Variants in ZPBP observed in about 807,000 individuals in gnomAD.
The protein encoded by ZPBP is zona pellucida-binding protein 1.
A neutral mutation model predicts 44.8 loss-of-function variants in ZPBP; 26 were observed. The observed-to-expected ratio is 0.58, with a 90% CI of 0.43 to 0.81. The LOEUF (loss-of-function observed/expected upper bound fraction) is 0.81. Among genes scored for constraint, ZPBP ranks in the 30% least tolerant of loss-of-function variants. The pLI is 0.00. For synonymous variants in ZPBP, 174 were observed against 153.2 expected, an observed-to-expected ratio of 1.14 and a Z score of -1.00; for missense variants, 409 against 434.0, an observed-to-expected ratio of 0.94 and a Z score of 0.51.
In ZPBP at chr7:49,982,362, A is replaced by T. The variant is rs1797063521; in HGVS notation, c.961+980T>A. ...AATACATAATATATAATTATATATA[A>T]TATATAATACATAATATATATAATC... On this transcript the variant is annotated intron_variant, in intron 7 of 7. Coordinates refer to ENST00000046087, the MANE Select transcript of ZPBP (RefSeq NM_007009.3). Among the ~76,000 whole-genome samples, 4 of 130,960 alleles carry T rather than the reference A, an allele frequency of 3.1e-5. No homozygotes were observed. The South Asian group carries it at 8.7e-4, about 28-fold the overall frequency. 85.9% of individuals were successfully genotyped at this position (130,960 alleles called of 152,430 possible). A position where few individuals can be genotyped will look rare whatever the true frequency, so the allele number is the denominator to read the frequency against.
At chr7:49,921,303 C>A (rs1794005507) in intron 1 of ZPBP, 1 of 152,210 alleles carries the variant, frequency 6.6e-6, no homozygotes, top group African/African-American at 2.4e-5. Flanking sequence ...GAGTTGTTCC[C>A]ATCCCTGGCC....
chr7:49,877,107 G>A (rs1791442787), intron 2 of ZPBP, among the ~76,000 whole-genome samples: 1 of 152,064 alleles, frequency 6.6e-6, no homozygotes, highest in Non-Finnish European at 1.5e-5. Context: ...TGAGAATCAA[G>A]TGAGAAAATA....
intron 1 of ZPBP, among the ~76,000 whole-genome samples, chr7:49,905,696 A>G (rs1316364611): frequency 6.6e-6 from 1 of 152,210 alleles, no homozygotes; most frequent in Non-Finnish European, 1.5e-5. Flanking sequence ...GCTGGGTAAA[A>G]TGAGGCTGAG....
intron 1 of ZPBP, chr7:49,919,287 T>C (rs767935764): frequency 2.6e-5 from 4 of 152,148 alleles, no homozygotes; most frequent in Non-Finnish European, 5.9e-5. Context: ...CCCATGAAGC[T>C]CTGAGTCAAG....
At chr7:50,063,177 G>A (rs1245509764) in intron 3 of ZPBP, among the ~76,000 whole-genome samples, 1 of 152,210 alleles carries the variant, frequency 6.6e-6, no homozygotes, top group Admixed American at 6.5e-5. Context: ...GCCTGGGAAG[G>A]GAGGAGAGAT....
chr7:49,873,775 A>G (rs1294299855), intron 2 of ZPBP, among the ~76,000 whole-genome samples: 1 of 152,234 alleles, frequency 6.6e-6, no homozygotes, highest in African/African-American at 2.4e-5. Flanking sequence ...AAAAATACAA[A>G]ATAGAAACAG....
At chr7:49,862,316 A>G (rs748010033) in intron 2 of ZPBP, among the ~76,000 whole-genome samples, 59 of 152,126 alleles carry the variant, frequency 3.9e-4, no homozygotes, top group Admixed American at 1.1e-3. Flanking sequence ...TTGTGTGTCA[A>G]TCTTGTAACC....
intron 4 of ZPBP, among the ~76,000 whole-genome samples, chr7:50,047,612 T>C (rs940427216): frequency 1.4e-5 from 2 of 147,086 alleles, no homozygotes; most frequent in Middle Eastern, 3.5e-3. Context: ...AGAATAAAAC[T>C]AGGGACTGAG....
At chr7:50,003,434 A>C (rs2128796020) in intron 6 of ZPBP, among the ~76,000 whole-genome samples, 1 of 152,328 alleles carries the variant, frequency 6.6e-6, no homozygotes, top group Admixed American at 6.5e-5. Flanking sequence ...CCTCACCTCC[A>C]GTGGCACAGC....
chr7:50,086,482 T>C (rs1802657305), intron 2 of ZPBP, among the ~76,000 whole-genome samples: 1 of 152,028 alleles, frequency 6.6e-6, no homozygotes. Context: ...TAATAAAGAA[T>C]GTGTGATATT....
chr7:49,845,957 G>A (rs1377802055), downstream of ZPBP, among the ~76,000 whole-genome samples: 1 of 152,098 alleles, frequency 6.6e-6, no homozygotes, highest in Non-Finnish European at 1.5e-5. Context: ...CTGCCCCTGT[G>A]GATATTTTGT....
At chr7:49,943,023 G>T in intron 7 of ZPBP, 1 of 274,852 alleles carries the variant, frequency 3.6e-6, no homozygotes. Flanking sequence ...GGTGAAAGCT[G>T]GGGGGCCACA....
At chr7:50,025,136 A>G (rs191758631) in intron 5 of ZPBP, among the ~76,000 whole-genome samples, 9 of 152,000 alleles carry the variant, frequency 5.9e-5, no homozygotes, top group Admixed American at 2.6e-4. Flanking sequence ...TAAAAAAATC[A>G]AAGATCTAAG....
chr7:49,961,958 T>C (rs1795877830), intron 7 of ZPBP, among the ~76,000 whole-genome samples: 1 of 152,076 alleles, frequency 6.6e-6, no homozygotes, highest in Non-Finnish European at 1.5e-5. Flanking sequence ...TGAAACATAA[T>C]ATTTATAAAG....
chr7:49,869,448 G>A (rs1035874764), intron 2 of ZPBP, among the ~76,000 whole-genome samples: 2 of 152,180 alleles, frequency 1.3e-5, no homozygotes, highest in Non-Finnish European at 1.5e-5. Flanking sequence ...CACTAGGGTA[G>A]CAAATCGGAT....
intron 7 of ZPBP, among the ~76,000 whole-genome samples, chr7:49,955,774 T>C (rs779129333): frequency 2.6e-5 from 4 of 152,120 alleles, no homozygotes; most frequent in Non-Finnish European, 5.9e-5. Context: ...TGTAGATGAA[T>C]AATATCAGGA....
chr7:49,848,918 T>A (rs1464457027), downstream of ZPBP, among the ~76,000 whole-genome samples: 1 of 152,236 alleles, frequency 6.6e-6, no homozygotes, highest in African/African-American at 2.4e-5. Flanking sequence ...TTTTCAGAAT[T>A]TCCTAGTCTC....
intron 2 of ZPBP, among the ~76,000 whole-genome samples, chr7:49,894,182 G>A (rs1265213688): frequency 6.8e-6 from 1 of 147,200 alleles, no homozygotes; most frequent in Non-Finnish European, 1.5e-5. Context: ...CTTTTGACAG[G>A]TTCTCACTCT....
rs939930225 is a variant in ZPBP, at chr7:50,031,173, T to C, written c.625A>G (p.Ile209Val). 2.5e-6 allele frequency: 4 copies of C among 1,613,670 alleles called. No individual in the cohort carries two copies. In the African/African-American group the frequency reaches 4.0e-5, roughly 16 times the overall value. ...TGGCATTCAGACTTAAGTAAGGAAA[T>C]TTCACATGAAAGGTCAAGAAGCAGT... ...SKLLLDLSCE[I>V]SLLKSECHRV... The change falls in exon 5 of 8, where the codon ATT (isoleucine) becomes GTT (valine). Residue 209 changes from isoleucine (I) to valine (V), a missense_variant. By Grantham distance (29) the Ile-to-Val change is conservative. This residue lies in a region of ZPBP where 367 missense variants were observed against 363.1 expected (regional missense o/e 1.01). Transcript: ENST00000046087.
Sources: allele counts gnomAD v4.1 joint callset (sites outside exome capture counted in the v4.1 genomes callset), GRCh38; gene constraint gnomAD v4.1.1; regional missense constraint gnomAD v4.1.1; transcripts MANE v1.5; gene names NCBI Gene and HGNC (gene_info 2026-07-23, HGNC 2026-07-21).